The following PROM1 variants were observed in gnomAD, a reference collection of about 807,000 sequenced individuals.
The protein encoded by PROM1 is prominin 1, also known as prominin-1.
In PROM1, 105 loss-of-function variants were observed where a neutral mutation model predicts 116.9. The ratio of observed to expected loss-of-function variants is 0.90; its 90% CI spans 0.77 to 1.06. The LOEUF (loss-of-function observed/expected upper bound fraction) is 1.06. PROM1 is among the 50% of genes least tolerant of loss of function. PROM1 has a pLI of 0.00. For synonymous variants in PROM1, 393 were observed against 387.0 expected, an observed-to-expected ratio of 1.02 and a Z score of -0.18; for missense variants, 1,122 against 1,045.2, an observed-to-expected ratio of 1.07 and a Z score of -1.01.
intron 4 of PROM1, among the ~76,000 whole-genome samples, chr4:16,033,921 G>A (rs1733387323): frequency 6.8e-6 from 1 of 147,992 alleles, no homozygotes; most frequent in East Asian, 2.0e-4. Context: ...ATATATATAT[G>A]TATGTATTTT....
intron 2 of PROM1, among the ~76,000 whole-genome samples, chr4:16,053,957 G>C (rs1405785242): frequency 6.6e-6 from 1 of 152,162 alleles, no homozygotes; most frequent in Non-Finnish European, 1.5e-5. Context: ...AGCCAGGTGT[G>C]GTGGTGAGCA....
intron 5 of PROM1, among the ~76,000 whole-genome samples, chr4:16,027,860 T>C (rs1458550266): frequency 2.6e-5 from 4 of 152,236 alleles, no homozygotes; most frequent in African/African-American, 4.8e-5. Context: ...TCTTTGTGCC[T>C]TTATTGAATA....
intron 1 of PROM1, 65 bp from the exon 2 acceptor site, chr4:16,076,183 C>A: frequency 2.0e-6 from 1 of 488,294 alleles, no homozygotes; most frequent in South Asian, 4.1e-5. Context: ...CTGGAGCTGC[C>A]CGGAGAGGAC....
At chr4:15,995,334 AGAAGAC>A (rs963816772) in intron 15 of PROM1, among the ~76,000 whole-genome samples, 19 of 151,244 alleles carry the variant, frequency 1.3e-4, no homozygotes, top group Admixed American at 2.7e-4. Context: ...AAGAAGACGA[AGAAGAC>A]GAAGAAGAAG....
intron 8 of PROM1, among the ~76,000 whole-genome samples, chr4:16,019,920 G>A (rs1247424448): frequency 4.0e-5 from 6 of 150,620 alleles, no homozygotes; most frequent in Admixed American, 2.7e-4. Flanking sequence ...TTTCCGTGTT[G>A]AGTCTAGCCA....
intron 2 of PROM1, among the ~76,000 whole-genome samples, chr4:16,049,503 C>A (rs1737351416): frequency 6.6e-6 from 1 of 152,082 alleles, no homozygotes; most frequent in African/African-American, 2.4e-5. Flanking sequence ...CTCTATCTCC[C>A]TCTCCCCCCA....
intron 25 of PROM1, 144 bp downstream of exon 25, chr4:15,979,737 C>CAT: frequency 1.1e-6 from 1 of 895,442 alleles, no homozygotes; most frequent in Non-Finnish European, 1.7e-6. Flanking sequence ...TTTTTAAGAC[C>CAT]ATTGCAATTT....
intron 6 of PROM1, among the ~76,000 whole-genome samples, 185 bp downstream of exon 6, chr4:16,025,007 C>T (rs567387045): frequency 1.3e-5 from 2 of 152,252 alleles, no homozygotes; most frequent in East Asian, 3.9e-4. Flanking sequence ...TGAAATTCGG[C>T]TTTTGTACTC....
intron 2 of PROM1, among the ~76,000 whole-genome samples, chr4:16,045,588 G>C (rs886963126): frequency 6.6e-6 from 1 of 152,098 alleles, no homozygotes; most frequent in Non-Finnish European, 1.5e-5. Flanking sequence ...TCCTCTACCA[G>C]TAGCCTATCC....
chr4:16,015,777 G>A (rs1350222204), intron 10 of PROM1, among the ~76,000 whole-genome samples: 1 of 151,958 alleles, frequency 6.6e-6, no homozygotes, highest in Admixed American at 6.6e-5. Flanking sequence ...GCAGAGGGAA[G>A]AGCATGTGCA....
chr4:16,048,948 G>A (rs929094678), intron 2 of PROM1, among the ~76,000 whole-genome samples: 1 of 152,128 alleles, frequency 6.6e-6, no homozygotes, highest in African/African-American at 2.4e-5. Flanking sequence ...GTTGCACAGG[G>A]TGAAGGGACG....
At position 16,035,777 on chromosome 4, in the gene PROM1, C is replaced by G. The variant is rs769890732; in HGVS notation, c.277-16G>C. 1.1e-5 allele frequency: 17 copies of G among 1,612,974 alleles called. No homozygotes were observed. The highest frequency in any genetic ancestry group is 1.4e-5 in the Non-Finnish European group (16 of 1,179,202). Reference sequence around the variant, plus strand: ...CAGTTTCTGGCTGTAGAAGTCAACGCAGGTGAGGAATTTTGGCAGAGGCAG... The same window carrying G: ...CAGTTTCTGGCTGTAGAAGTCAACGGAGGTGAGGAATTTTGGCAGAGGCAG... On this transcript the variant is annotated splice_polypyrimidine_tract_variant and intron_variant, in intron 3 of 27. Coordinates refer to ENST00000447510, the MANE Select transcript of PROM1 (RefSeq NM_006017.3).
Position 16,033,308 on chromosome 4 carries a change from T to G in PROM1, c.505A>C (p.Ile169Leu). The change falls in exon 5 of 28, where the codon ATA (isoleucine) becomes CTA (leucine). Residue 169 changes from isoleucine (I) to leucine (L), a missense_variant. Transcript: ENST00000447510. ...GTTGTCCAATATTGTACTTGCCTTA[T>G]TATTATACAAATCACCAACAGGGAG... ...AISLLVICII[I>L]SIGIFYGFVA... is the part of the protein sequence containing the mutation. 1 of 1,611,604 alleles carries G rather than the reference T, an allele frequency of 6.2e-7. No individual in the cohort carries two copies. The highest frequency in any genetic ancestry group is 8.5e-7 in the Non-Finnish European group (1 of 1,178,126).
intron 2 of PROM1, among the ~76,000 whole-genome samples, chr4:16,048,869 G>A (rs1737182311): frequency 6.6e-6 from 1 of 152,206 alleles, no homozygotes; most frequent in Non-Finnish European, 1.5e-5. Flanking sequence ...GATGTAGCAT[G>A]TGGTACAGCC....
rs919606122 is a variant in PROM1 at position 15,987,591 on chromosome 4, C to T, written c.2130+72G>A. 1.4e-5 allele frequency: 20 copies of T among 1,457,618 alleles called. No homozygotes were observed. In the Admixed American group the frequency reaches 2.3e-4, roughly 16 times the overall value. 90.3% of individuals were successfully genotyped at this position (1,457,618 alleles called of 1,614,324 possible). The stretch of plus-strand genomic sequence containing the variant: ...TTCAACTTAAAGTACCTACAAAAAT[C>T]CACATTTCTAGCATTCTTTGTGTGG... On this transcript the variant is annotated intron_variant, in intron 20 of 27. Coordinates refer to ENST00000447510, the MANE Select transcript of PROM1 (RefSeq NM_006017.3).
In PROM1 at chr4:15,992,440, C is replaced by T. The variant is rs564943608; in HGVS notation, c.1768-49G>A. The T allele has an allele frequency of 2.7e-5, 43 of 1,588,504 alleles. No individual in the cohort carries two copies. The African/African-American group carries it at 4.5e-4, about 16-fold the overall frequency. On this transcript the variant is annotated intron_variant, in intron 16 of 27. Coordinates refer to ENST00000447510, the MANE Select transcript of PROM1 (RefSeq NM_006017.3). ...TCAGTCCCTTATTCTCCAAGAATGT[C>T]ACAAACCAAATGCTTTAAAAGAGCA...
intron 3 of PROM1, among the ~76,000 whole-genome samples, chr4:16,036,620 C>G (rs1734001387): frequency 6.6e-6 from 1 of 152,156 alleles, no homozygotes; most frequent in African/African-American, 2.4e-5. Flanking sequence ...ACATTGACTC[C>G]TGGGCTCCTC....
chr4:16,000,683 A>C, intron 13 of PROM1, 64 bp from the exon 14 acceptor site: 1 of 1,352,200 alleles, frequency 7.4e-7, no homozygotes, highest in Non-Finnish European at 1.0e-6. Context: ...ACTGATACTT[A>C]CTAAATCTAC....
At chr4:15,979,972 C>T in intron 24 of PROM1, 68 bp from the exon 25 acceptor site, 2 of 938,516 alleles carry the variant, frequency 2.1e-6, no homozygotes, top group Non-Finnish European at 3.2e-6. Context: ...GCAACTACAT[C>T]CCCCAAATAT....
Sources: gnomAD v4.1 joint callset for allele counts (sites outside exome capture counted in the v4.1 genomes callset) on GRCh38, gnomAD v4.1.1 for gene constraint, MANE v1.5 for transcripts, NCBI Gene and HGNC (gene_info 2026-07-23, HGNC 2026-07-21) for gene names.